Variants in COL28A1 observed in about 807,000 individuals in gnomAD.
COL28A1 encodes the protein collagen alpha-1(XXVIII) chain.
COL28A1 carries 161 observed loss-of-function variants against 150.2 expected under a neutral mutation model. That is an observed-to-expected ratio of 1.07 (90% confidence interval 0.94 to 1.22). The LOEUF is 1.22. COL28A1 is among the 50% of genes most tolerant of loss of function. COL28A1 has a pLI of 0.00. For synonymous variants in COL28A1, 552 were observed against 469.7 expected (o/e 1.18, Z -2.26); for missense variants, 1,617 against 1,388.3 (o/e 1.16, Z -2.62).
rs1420748001 is a variant in COL28A1 at position 7,417,896 on chromosome 7, G to A, written c.2099C>T (p.Pro700Leu). ...GDTGQKGLPGPPGPPGYGSQG... is the reference protein window; with the variant it reads ...GDTGQKGLPGLPGPPGYGSQG... ...TGATCCATAGCCAGGGGGGCCAGGA[G>A]GGCCAGGCAAGCCTTTCTGCCCAGT... Residue 700 changes from proline to leucine, a missense_variant, in exon 27 of 35, where the codon CCT becomes CTT. Coordinates refer to ENST00000399429, the MANE Select transcript of COL28A1 (RefSeq NM_001037763.3). The A allele has an allele frequency of 5.6e-6, 9 of 1,613,452 alleles. No homozygotes were observed. Among genetic ancestry groups the A allele is most frequent in the Non-Finnish European group, 7.6e-6 (9 of 1,179,764 alleles).
chr7:7,348,244 G>A, the COL28A1 span, among the ~76,000 whole-genome samples: 1 of 152,018 alleles, frequency 6.6e-6, no homozygotes, highest in African/African-American at 2.4e-5. Flanking sequence ...TATCATTGGA[G>A]CGATTCTAGC....
At chr7:7,513,014 C>T (rs980162120) in intron 8 of COL28A1, among the ~76,000 whole-genome samples, 12 of 152,190 alleles carry the variant, frequency 7.9e-5, no homozygotes, top group Non-Finnish European at 1.3e-4. Flanking sequence ...AAACAGTATA[C>T]GTTGTAATAT....
intron 25 of COL28A1, among the ~76,000 whole-genome samples, chr7:7,420,817 A>C (rs1784354241): frequency 6.6e-6 from 1 of 152,202 alleles, no homozygotes; most frequent in Non-Finnish European, 1.5e-5. Context: ...CTATTTTATT[A>C]AAGTGGAAGC....
At chr7:7,444,829 T>C (rs896833928) in intron 18 of COL28A1, among the ~76,000 whole-genome samples, 22 of 152,272 alleles carry the variant, frequency 1.4e-4, no homozygotes, top group African/African-American at 5.3e-4. Context: ...AAAGGTGATA[T>C]AATTTGGCTC....
At position 7,517,853 on chromosome 7, in the gene COL28A1, AAC is replaced by A. The variant is rs1401822814; in HGVS notation, c.814-18_814-17del. ...GAGCGTTGCCCTGTGACAAACAAAA[AAC>A]AGTAAAAATTCCACAGCCCTGAAGA... On this transcript the variant is annotated splice_polypyrimidine_tract_variant and intron_variant, in intron 6 of 34. Coordinates refer to ENST00000399429, the MANE Select transcript of COL28A1 (RefSeq NM_001037763.3). 2.5e-6 allele frequency: 4 copies of A among 1,613,728 alleles called. No individual in the cohort carries two copies. The East Asian group carries it at 6.7e-5, about 27-fold the overall frequency.
chr7:7,519,930 C>T lies in COL28A1; in HGVS notation c.813+132G>A, dbSNP rs550981871. ...GATAGATAATATAGGAAGTGGAAAT[C>T]CTGTATTCTTCACAAAAGTTGTCAC... On this transcript the variant is annotated intron_variant, in intron 6 of 34. Transcript: ENST00000399429. 1.2e-3 allele frequency: 683 copies of T among 555,054 alleles called. 2 individuals carry two copies. Among genetic ancestry groups the T allele is most frequent in the Non-Finnish European group, 1.9e-3 (578 of 311,726 alleles). 34.4% of individuals were successfully genotyped at this position (555,054 alleles called of 1,614,324 possible).
intron 2 of COL28A1, among the ~76,000 whole-genome samples, 153 bp from the exon 3 acceptor site, chr7:7,532,057 T>A (rs1782396697): frequency 6.6e-6 from 1 of 152,130 alleles, no homozygotes; most frequent in Non-Finnish European, 1.5e-5. Context: ...AAGGCTTCAA[T>A]TGTAAAAAAC....
chr7:7,466,553 C>T (rs1320949328), intron 15 of COL28A1, among the ~76,000 whole-genome samples: 1 of 92,646 alleles, frequency 1.1e-5, no homozygotes, highest in East Asian at 2.6e-4. Flanking sequence ...TCCAGGAGAA[C>T]TTCCCCAATC....
Position 7,453,502 on chromosome 7 carries a change from G to GGATT in COL28A1, c.1374_1377dup (p.Gln460AsnfsTer94). On this transcript the variant is annotated frameshift_variant, in exon 17 of 35. Transcript: ENST00000399429. LOFTEE classifies it high-confidence loss of function. ...GGACCAGGTGGACCAATAGGACCTT[G>GGATT]GATTCCCTTTAAAATAAAATTTTAT... The GGATT allele has an allele frequency of 2.7e-6, 3 of 1,100,230 alleles. No homozygotes were observed. Among genetic ancestry groups the GGATT allele is most frequent in the Middle Eastern group, 2.0e-4 (1 of 5,074 alleles). The allele number at this position is 1,100,230 out of a possible 1,614,324, so 68.2% of individuals were successfully genotyped here.
chr7:7,494,868 G>C (rs1780118483), intron 11 of COL28A1, among the ~76,000 whole-genome samples: 1 of 152,202 alleles, frequency 6.6e-6, no homozygotes, highest in African/African-American at 2.4e-5. Context: ...TAGAGGAGAT[G>C]TTTGATCCAA....
intron 6 of COL28A1, among the ~76,000 whole-genome samples, chr7:7,518,691 T>C (rs1781549599): frequency 6.6e-6 from 1 of 152,200 alleles, no homozygotes; most frequent in South Asian, 2.1e-4. Context: ...TATTATTGTT[T>C]TAATATTGCT....
downstream of COL28A1, among the ~76,000 whole-genome samples, chr7:7,352,092 C>T (rs1161785574): frequency 2.6e-5 from 4 of 152,184 alleles, no homozygotes; most frequent in Non-Finnish European, 4.4e-5. Flanking sequence ...TATCCCTTCT[C>T]TCTTAGTCTC....
intron 3 of COL28A1, among the ~76,000 whole-genome samples, chr7:7,529,573 G>A (rs1782230016): frequency 1.3e-5 from 2 of 152,144 alleles, no homozygotes. Context: ...AAACAATTTT[G>A]CTTCCAGTCT....
chr7:7,535,095 C>T (rs1368044337), intron 1 of COL28A1, among the ~76,000 whole-genome samples: 1 of 152,024 alleles, frequency 6.6e-6, no homozygotes, highest in Non-Finnish European at 1.5e-5. Context: ...CACGTACAAG[C>T]AAAATAGGTT....
chr7:7,372,523 A>T (rs546471953), intron 32 of COL28A1, among the ~76,000 whole-genome samples: 1 of 152,264 alleles, frequency 6.6e-6, no homozygotes, highest in East Asian at 1.9e-4. Flanking sequence ...AGAATAGAAC[A>T]TCCCCTCTAA....
At chr7:7,340,178 G>C in the COL28A1 span, among the ~76,000 whole-genome samples, 2 of 151,986 alleles carry the variant, frequency 1.3e-5, no homozygotes, top group Non-Finnish European at 2.9e-5. Flanking sequence ...TTTTAGTAGA[G>C]ACAGGTTTCA....
chr7:7,477,117 G>A lies in COL28A1; in HGVS notation c.1228C>T (p.Pro410Ser), dbSNP rs762580541. ...RGLPGEGFPG[P>S]KGEKGSEGPT... ...GGTACAGAAGGTATTGTTACCTTTG[G>A]TCCTGGAAATCCTTCTCCGGGTAAG... Residue 410 changes from proline (P) to serine (S), a missense_variant, in exon 14 of 35, where the codon CCA (proline) becomes TCA (serine). Pro to Ser is a moderately conservative substitution (Grantham distance 74). Coordinates refer to ENST00000399429, the MANE Select transcript of COL28A1 (RefSeq NM_001037763.3). 4 of 1,202,330 alleles carry A rather than the reference G, an allele frequency of 3.3e-6. No homozygotes were observed. The highest frequency in any genetic ancestry group is 2.4e-5 in the South Asian group (2 of 83,050). 74.5% of individuals were successfully genotyped at this position (1,202,330 alleles called of 1,614,324 possible).
intron 27 of COL28A1, among the ~76,000 whole-genome samples, chr7:7,407,928 C>T (rs73347201): frequency 0.05 from 7,670 of 152,098 alleles, 586 homozygotes; most frequent in African/African-American, 0.17. Context: ...ACAGTAACTA[C>T]ATTAATTTCA....
chr7:7,403,215 G>C (rs912032880), intron 27 of COL28A1, among the ~76,000 whole-genome samples: 7 of 152,092 alleles, frequency 4.6e-5, no homozygotes. Context: ...AACAGCACGT[G>C]AACAAGCACC....
Sources: allele counts gnomAD v4.1 joint callset (sites outside exome capture counted in the v4.1 genomes callset), GRCh38; gene constraint gnomAD v4.1.1; transcripts MANE v1.5; gene names NCBI Gene and HGNC (gene_info 2026-07-23, HGNC 2026-07-21).